The following NETO1 variants were observed in gnomAD, a reference collection of about 807,000 sequenced individuals.
The protein encoded by NETO1 is neuropilin and tolloid like 1.
NETO1 carries 26 observed loss-of-function variants against 61.3 expected under a neutral mutation model. The ratio of observed to expected loss-of-function variants is 0.42; its 90% CI spans 0.31 to 0.59. The LOEUF (loss-of-function observed/expected upper bound fraction) is 0.59, where lower values mean the gene tolerates loss of function less well. Among genes scored for constraint, NETO1 ranks in the 20% least tolerant of loss-of-function variants. The pLI is 0.12. For synonymous variants in NETO1, 225 were observed against 225.8 expected (o/e 1.00, Z 0.03); for missense variants, 531 against 662.8 (o/e 0.80, Z 2.18).
At chr18:72,863,753 A>G (rs1054829253) in intron 3 of NETO1, among the ~76,000 whole-genome samples, 5 of 152,202 alleles carry the variant, frequency 3.3e-5, no homozygotes, top group Non-Finnish European at 7.4e-5. Flanking sequence ...GTCCCCATTT[A>G]TAAGTAGTAG....
chr18:72,747,079 G>A lies in NETO1; in HGVS notation c.*1100C>T, dbSNP rs1443910163. 6.6e-6 allele frequency: 1 copy of A among 151,830 alleles called. No homozygotes were observed. Among genetic ancestry groups the A allele is most frequent in the East Asian group, 1.9e-4 (1 of 5,174 alleles). 9.4% of individuals were successfully genotyped at this position (151,830 alleles called of 1,614,324 possible). On this transcript the variant is annotated 3_prime_UTR_variant, in exon 11 of 11. Coordinates refer to ENST00000327305, the MANE Select transcript of NETO1 (RefSeq NM_138966.5). ...AAGAAAATATTCCCCTAAACTTTTA[G>A]AAGCCAAATATTTTGGGAAGTAAAC...
chr18:72,755,431 C>A (rs772261989), intron 8 of NETO1, among the ~76,000 whole-genome samples: 3 of 152,182 alleles, frequency 2.0e-5, no homozygotes, highest in Non-Finnish European at 4.4e-5. Context: ...CTTCACATGG[C>A]AGTTTCATCT....
At position 72,798,398 on chromosome 18, in the gene NETO1, T is replaced by C. The variant is rs775248062; in HGVS notation, c.470-3994A>G. ...TACAGATGAACATTAGCAAAGAAGT[T>C]TGACTGCACAGAGACCATAATAAAG... is the stretch of plus-strand genomic sequence containing the variant. On this transcript the variant is annotated intron_variant, in intron 4 of 10. Transcript: ENST00000327305. Among the ~76,000 whole-genome samples, 13 of 152,282 alleles carry C rather than the reference T, an allele frequency of 8.5e-5. No individual in the cohort carries two copies. In the South Asian group the frequency reaches 2.1e-3, roughly 24 times the overall value.
intron 4 of NETO1, among the ~76,000 whole-genome samples, chr18:72,829,209 G>T (rs911498033): frequency 2.6e-5 from 4 of 152,172 alleles, no homozygotes; most frequent in African/African-American, 9.7e-5. Flanking sequence ...AAATGGTAGT[G>T]CAAGGCATTA....
intron 1 of NETO1, among the ~76,000 whole-genome samples, chr18:72,866,567 TG>T (rs1487623810): frequency 6.6e-6 from 1 of 152,176 alleles, no homozygotes; most frequent in African/African-American, 2.4e-5. Context: ...CCACGTACTG[TG>T]TTTAACTCAG....
chr18:72,784,792 T>C (rs2071858087), intron 6 of NETO1, among the ~76,000 whole-genome samples: 1 of 152,188 alleles, frequency 6.6e-6, no homozygotes, highest in Non-Finnish European at 1.5e-5. Flanking sequence ...CAAATACAAG[T>C]CTATAAAGAA....
intron 7 of NETO1, among the ~76,000 whole-genome samples, chr18:72,765,316 T>C (rs2071116335): frequency 1.3e-5 from 2 of 152,218 alleles, no homozygotes; most frequent in African/African-American, 2.4e-5. Context: ...AGTTAACTTA[T>C]CTGTGCCTTG....
intron 4 of NETO1, among the ~76,000 whole-genome samples, chr18:72,797,176 A>G (rs934834731): frequency 5.3e-5 from 8 of 152,192 alleles, no homozygotes; most frequent in Non-Finnish European, 8.8e-5. Context: ...AGAAGGTTTC[A>G]GCCTTATGTG....
intron 4 of NETO1, among the ~76,000 whole-genome samples, chr18:72,811,272 C>A (rs763877751): frequency 1.3e-5 from 2 of 152,182 alleles, no homozygotes; most frequent in Non-Finnish European, 2.9e-5. Context: ...AAACCCATGA[C>A]TCATCTCTGC....
intron 7 of NETO1, among the ~76,000 whole-genome samples, chr18:72,773,286 A>C (rs12966056): frequency 0.3 from 45,637 of 151,974 alleles, 8,019 homozygotes; most frequent in South Asian, 0.48. Context: ...AGGTCAGGTC[A>C]ACCCAAGATA....
At chr18:72,825,822 C>T (rs2073354719) in intron 4 of NETO1, among the ~76,000 whole-genome samples, 1 of 152,086 alleles carries the variant, frequency 6.6e-6, no homozygotes, top group Non-Finnish European at 1.5e-5. Context: ...AGTTTTCAAT[C>T]ACTTAGAATT....
chr18:72,750,338 C>T lies in NETO1; in HGVS notation c.1265G>A (p.Arg422Lys), dbSNP rs770402528. The change falls in exon 9 of 11, where the codon AGG (arginine) becomes AAG (lysine). Residue 422 changes from arginine (R) to lysine (K), a missense_variant. Coordinates refer to ENST00000327305, the MANE Select transcript of NETO1 (RefSeq NM_138966.5). ...DDFENYHKLR[R>K]SSSKCIHDHH... ...GTCATGAATGCATTTGGAAGATGAC[C>T]TCCGCAGTTTATGGTAATTTTCAAA... 11 of 1,614,028 alleles carry T rather than the reference C, an allele frequency of 6.8e-6. No individual in the cohort carries two copies. The highest frequency in any genetic ancestry group is 1.3e-5 in the African/African-American group (1 of 75,018).
chr18:72,746,757 T>G lies in NETO1; in HGVS notation c.*1422A>C, dbSNP rs749487513. Among the ~76,000 whole-genome samples the G allele has an allele frequency of 6.6e-6, 1 of 151,958 alleles. No homozygotes were observed. On this transcript the variant is annotated 3_prime_UTR_variant, in exon 11 of 11. Coordinates refer to ENST00000327305, the MANE Select transcript of NETO1 (RefSeq NM_138966.5). Reference sequence around the variant, plus strand: ...GGAGAATTCAGTAGTTTTGAAAATGTTGGGAAGCATATATACTGATAGTAA... The same window carrying G: ...GGAGAATTCAGTAGTTTTGAAAATGGTGGGAAGCATATATACTGATAGTAA...
At chr18:72,821,986 G>C (rs2073215073) in intron 4 of NETO1, among the ~76,000 whole-genome samples, 1 of 152,172 alleles carries the variant, frequency 6.6e-6, no homozygotes, top group Non-Finnish European at 1.5e-5. Flanking sequence ...TGGGGCCACT[G>C]AGGAGCAGAG....
At chr18:72,764,806 G>A (rs1234283395) in intron 7 of NETO1, among the ~76,000 whole-genome samples, 1 of 152,042 alleles carries the variant, frequency 6.6e-6, no homozygotes, top group Non-Finnish European at 1.5e-5. Context: ...TTAACAAAGG[G>A]CACAACCATC....
chr18:72,866,436 A>T (rs1006254760), intron 1 of NETO1, among the ~76,000 whole-genome samples: 4 of 152,094 alleles, frequency 2.6e-5, no homozygotes, highest in Admixed American at 1.3e-4. Context: ...GAAAAAAAAA[A>T]TCAATTTAAT....
chr18:72,772,783 C>A (rs1555684162), intron 7 of NETO1, among the ~76,000 whole-genome samples: 13 of 92,298 alleles, frequency 1.4e-4, no homozygotes, highest in East Asian at 3.5e-4. Context: ...ATATACAGAT[C>A]TCTATATAGT....
Position 72,744,711 on chromosome 18 carries a change from G to A in NETO1, c.*3468C>T, listed in dbSNP as rs186412782. ...TCCCTTCAGAGAGGGAATCTGACAT[G>A]ACTCATTTTCATCAGAGATACACAA... On this transcript the variant is annotated 3_prime_UTR_variant, in exon 11 of 11. Transcript: ENST00000327305. 1 of 152,236 alleles carries A rather than the reference G, an allele frequency of 6.6e-6. No individual in the cohort carries two copies. Among genetic ancestry groups the A allele is most frequent in the East Asian group, 1.9e-4 (1 of 5,178 alleles). 9.4% of individuals were successfully genotyped at this position (152,236 alleles called of 1,614,324 possible).
chr18:72,833,449 A>G (rs1295298909), intron 4 of NETO1, among the ~76,000 whole-genome samples: 1 of 152,132 alleles, frequency 6.6e-6, no homozygotes, highest in Non-Finnish European at 1.5e-5. Flanking sequence ...ATTTCCCACT[A>G]AACTACAAGC....
Sources: allele counts gnomAD v4.1 joint callset (sites outside exome capture counted in the v4.1 genomes callset), GRCh38; gene constraint gnomAD v4.1.1; transcripts MANE v1.5; gene names NCBI Gene and HGNC (gene_info 2026-07-23, HGNC 2026-07-21).